SLC14A2: variants seen among roughly 807,000 people sequenced by gnomAD.
The protein encoded by SLC14A2 is solute carrier family 14 member 2.
A neutral mutation model predicts 104.6 loss-of-function variants in SLC14A2; 91 were observed. That is an observed-to-expected ratio of 0.87 (90% CI 0.73 to 1.04). The LOEUF (loss-of-function observed/expected upper bound fraction) is 1.04, where lower values mean the gene tolerates loss of function less well. Among genes scored for constraint, SLC14A2 ranks in the 50% least tolerant of loss-of-function variants. The probability of loss-of-function intolerance (pLI) is 0.00; values close to 1 mark genes in which losing one functional copy is unlikely to be tolerated. For missense variants in SLC14A2, 1,189 were observed against 1,156.0 expected, an observed-to-expected ratio of 1.03 and a Z score of -0.41; for synonymous variants, 476 against 466.4, an observed-to-expected ratio of 1.02 and a Z score of -0.27.
chr18:45,262,575 AC>A (rs940019453), intron 1 of SLC14A2, among the ~76,000 whole-genome samples: 2 of 152,166 alleles, frequency 1.3e-5, no homozygotes, highest in East Asian at 1.9e-4. Flanking sequence ...GGATTGACCA[AC>A]TTTTTCAAGG....
At chr18:45,529,206 A>G (rs996879776) in intron 2 of SLC14A2, 1 of 152,334 alleles carries the variant, frequency 6.6e-6, no homozygotes, top group East Asian at 1.9e-4. Flanking sequence ...TTGGTGAGAA[A>G]ACAAAATTAT....
intron 1 of SLC14A2, among the ~76,000 whole-genome samples, chr18:45,394,138 G>A (rs1056660863): frequency 3.9e-5 from 6 of 152,126 alleles, no homozygotes; most frequent in South Asian, 2.1e-4. Flanking sequence ...TGATACTTTC[G>A]TTAGTCCAAG....
At chr18:45,633,148 T>C (rs2045371487) in intron 5 of SLC14A2, among the ~76,000 whole-genome samples, 1 of 152,158 alleles carries the variant, frequency 6.6e-6, no homozygotes, top group South Asian at 2.1e-4. Context: ...TTGCCATCAG[T>C]TTATGGAAGG....
intron 2 of SLC14A2, among the ~76,000 whole-genome samples, chr18:45,484,400 C>T (rs2087557226): frequency 6.6e-6 from 1 of 152,190 alleles, no homozygotes; most frequent in Non-Finnish European, 1.5e-5. Flanking sequence ...GTAGCACACA[C>T]TGTGAGTGCT....
At chr18:45,567,935 C>T (rs576007144) in intron 2 of SLC14A2, among the ~76,000 whole-genome samples, 1 of 152,334 alleles carries the variant, frequency 6.6e-6, no homozygotes, top group South Asian at 2.1e-4. Context: ...ACCTGTTCTA[C>T]AGTTCCTGGG....
In SLC14A2 at chr18:45,364,370, C is replaced by T. The variant is rs144394235; in HGVS notation, c.-124-118863C>T. The stretch of plus-strand genomic sequence containing the variant: ...TAAAATATCTCAAAATGTCACTATA[C>T]TAGGTGTGAAGACTCTTTCTGATGG... On this transcript the variant is annotated intron_variant, in intron 1 of 20. Transcript: ENST00000586448. Among the ~76,000 whole-genome samples the T allele has an allele frequency of 1.5e-4, 23 of 152,262 alleles. No individual in the cohort carries two copies. In the East Asian group the frequency reaches 4.3e-3, roughly 28 times the overall value.
At chr18:45,256,587 T>C in intron 1 of SLC14A2, among the ~76,000 whole-genome samples, 1 of 152,240 alleles carries the variant, frequency 6.6e-6, no homozygotes, top group East Asian at 1.9e-4. Context: ...GGCATCTTAA[T>C]GGATCATACT....
chr18:45,377,148 T>C (rs1426647031), intron 1 of SLC14A2, among the ~76,000 whole-genome samples: 1 of 152,176 alleles, frequency 6.6e-6, no homozygotes, highest in Non-Finnish European at 1.5e-5. Context: ...CATTTCTCAT[T>C]CCTGGTCCTG....
chr18:45,611,249 G>A (rs1256764546), upstream of SLC14A2, among the ~76,000 whole-genome samples: 3 of 152,158 alleles, frequency 2.0e-5, no homozygotes, highest in African/African-American at 7.2e-5. Flanking sequence ...GAAGCTCTTA[G>A]GACAGCATCT....
intron 2 of SLC14A2, among the ~76,000 whole-genome samples, chr18:45,487,579 G>T (rs567746677): frequency 6.6e-6 from 1 of 152,254 alleles, no homozygotes; most frequent in Admixed American, 6.5e-5. Context: ...ACCTGTTGCA[G>T]GTTGGGGTCC....
chr18:45,637,709 A>G (rs894573787), intron 6 of SLC14A2, among the ~76,000 whole-genome samples: 1 of 152,176 alleles, frequency 6.6e-6, no homozygotes, highest in African/African-American at 2.4e-5. Context: ...AGACATTTTT[A>G]TTGTCAAGAC....
chr18:45,176,714 G>A, the SLC14A2 span, among the ~76,000 whole-genome samples: 1 of 152,136 alleles, frequency 6.6e-6, no homozygotes, highest in African/African-American at 2.4e-5. Context: ...TCTGCATTGT[G>A]GACTTTTCTC....
intron 11 of SLC14A2, among the ~76,000 whole-genome samples, chr18:45,664,778 G>A (rs1233500111): frequency 1.3e-5 from 2 of 152,230 alleles, no homozygotes; most frequent in Non-Finnish European, 2.9e-5. Context: ...ACGAGGTGGA[G>A]AGGGGATTGC....
intron 2 of SLC14A2, among the ~76,000 whole-genome samples, chr18:45,610,240 ATTTC>A (rs1487412541): frequency 6.6e-6 from 1 of 152,132 alleles, no homozygotes; most frequent in Non-Finnish European, 1.5e-5. Context: ...GAGAGCCTGC[ATTTC>A]TAACAAGCTC....
At chr18:45,331,491 A>C (rs1283636214) in intron 1 of SLC14A2, among the ~76,000 whole-genome samples, 4 of 152,080 alleles carry the variant, frequency 2.6e-5, no homozygotes. Flanking sequence ...GGAGATCGAG[A>C]CCATCCTGGC....
At chr18:45,596,948 G>A (rs1042947982) in intron 2 of SLC14A2, among the ~76,000 whole-genome samples, 3 of 152,108 alleles carry the variant, frequency 2.0e-5, no homozygotes, top group Non-Finnish European at 4.4e-5. Flanking sequence ...CTGCCTCTGT[G>A]CTTCTATGAT....
At chr18:45,298,227 T>C (rs1568140907) in intron 1 of SLC14A2, among the ~76,000 whole-genome samples, 1 of 152,204 alleles carries the variant, frequency 6.6e-6, no homozygotes, top group African/African-American at 2.4e-5. Flanking sequence ...CCAGAATCAT[T>C]TGTTCTAGGA....
At chr18:45,440,751 A>G (rs1308431017) in intron 1 of SLC14A2, among the ~76,000 whole-genome samples, 1 of 152,200 alleles carries the variant, frequency 6.6e-6, no homozygotes, top group East Asian at 1.9e-4. Context: ...TACATAAAAA[A>G]TAAAGCACTT....
chr18:45,491,515 C>T (rs1368108463), intron 2 of SLC14A2, among the ~76,000 whole-genome samples: 2 of 151,910 alleles, frequency 1.3e-5, no homozygotes, highest in Non-Finnish European at 1.5e-5. Flanking sequence ...TGCGATAGTA[C>T]CTATAGTGTT....
Sources: gnomAD v4.1 joint callset for allele counts (sites outside exome capture counted in the v4.1 genomes callset) on GRCh38, gnomAD v4.1.1 for gene constraint, MANE v1.5 for transcripts, NCBI Gene and HGNC (gene_info 2026-07-23, HGNC 2026-07-21) for gene names.